Variants in GALNT17 observed in about 807,000 individuals in gnomAD.
GALNT17 encodes polypeptide N-acetylgalactosaminyltransferase 17.
Under a neutral mutation model 63.7 loss-of-function variants are expected in GALNT17, and 29 were observed. That is an observed-to-expected ratio of 0.46 (90% CI 0.34 to 0.62). GALNT17 has a LOEUF of 0.62. GALNT17 is among the 20% of genes least tolerant of loss of function. The probability of loss-of-function intolerance (pLI) is 0.01; values close to 1 mark genes in which losing one functional copy is unlikely to be tolerated. For synonymous variants in GALNT17, 305 were observed against 318.3 expected, an observed-to-expected ratio of 0.96 and a Z score of 0.45; for missense variants, 603 against 799.6, an observed-to-expected ratio of 0.75 and a Z score of 2.97.
At chr7:71,666,649 A>G (rs1182110091) in intron 7 of GALNT17, among the ~76,000 whole-genome samples, 1 of 152,094 alleles carries the variant, frequency 6.6e-6, no homozygotes, top group African/African-American at 2.4e-5. Context: ...ATGAAAACAT[A>G]TGATGTTTGG....
intron 5 of GALNT17, among the ~76,000 whole-genome samples, chr7:71,426,894 T>C (rs1023566942): frequency 2.0e-5 from 3 of 150,780 alleles, no homozygotes; most frequent in Non-Finnish European, 1.5e-5. Flanking sequence ...CACTCCAGCC[T>C]GGCTGACAGA....
At chr7:71,144,945 G>A (rs900107983) in intron 1 of GALNT17, among the ~76,000 whole-genome samples, 5 of 152,142 alleles carry the variant, frequency 3.3e-5, no homozygotes, top group Admixed American at 1.3e-4. Flanking sequence ...AGCCAGGATG[G>A]TCTTGATCTC....
In GALNT17 at chr7:71,573,629, T is replaced by TG. The variant is rs1688328619; in HGVS notation, c.1080+2229dup. Reference sequence around the variant, plus strand: ...GATTACAGGCGTGAGCCACCACACCTGGCCTATTTTATTTTTTATTTTTTT... The same window carrying TG: ...GATTACAGGCGTGAGCCACCACACCTGGGCCTATTTTATTTTTTATTTTTTT... On this transcript the variant is annotated intron_variant, in intron 6 of 10. Coordinates refer to ENST00000333538, the MANE Select transcript of GALNT17 (RefSeq NM_022479.3). Among the ~76,000 whole-genome samples the TG allele has an allele frequency of 2.6e-5, 4 of 152,294 alleles. No homozygotes were observed. The South Asian group carries it at 8.3e-4, about 32-fold the overall frequency.
chr7:71,314,503 A>G (rs912515463), intron 1 of GALNT17, among the ~76,000 whole-genome samples: 1 of 152,214 alleles, frequency 6.6e-6, no homozygotes, highest in African/African-American at 2.4e-5. Flanking sequence ...TCCAAGCGTG[A>G]TGGTCATATA....
At position 71,541,007 on chromosome 7, in the gene GALNT17, G is replaced by A. The variant is rs1446482635; in HGVS notation, c.963-30278G>A. On this transcript the variant is annotated intron_variant, in intron 5 of 10. Transcript: ENST00000333538. ...GAATCCCAGCACTTTGGGAGGTCGA[G>A]GTGGGCAGATCACTTGAGGCCAGGA... 2.0e-5 allele frequency among the ~76,000 whole-genome samples: 3 copies of A among 152,102 alleles called. No individual in the cohort carries two copies. In the East Asian group the frequency reaches 5.8e-4, roughly 29 times the overall value.
At chr7:71,488,326 C>A (rs1787947390) in intron 5 of GALNT17, among the ~76,000 whole-genome samples, 1 of 152,080 alleles carries the variant, frequency 6.6e-6, no homozygotes, top group Non-Finnish European at 1.5e-5. Flanking sequence ...GAGCAAGGCC[C>A]AGCATCCCAT....
At position 71,265,115 on chromosome 7, in the gene GALNT17, TA is replaced by T. The variant is rs1562957664; in HGVS notation, c.239-70434del. ...CATAAATATTATATATATATATATATATATTTTTTTTTTTTTTTTTTTTTTT... is the reference window on the plus strand; with the variant it reads ...CATAAATATTATATATATATATATATTATTTTTTTTTTTTTTTTTTTTTTT... On this transcript the variant is annotated intron_variant, in intron 1 of 10. Transcript: ENST00000333538. Among the ~76,000 whole-genome samples, 28 of 51,672 alleles carry T rather than the reference TA, an allele frequency of 5.4e-4. 1 individual carries two copies. Among genetic ancestry groups the T allele is most frequent in the African/African-American group, 1.5e-3 (26 of 16,780 alleles). 33.9% of individuals were successfully genotyped at this position (51,672 alleles called of 152,430 possible). A position where few individuals can be genotyped will look rare whatever the true frequency, so the allele number is the denominator to read the frequency against.
chr7:71,607,927 G>A (rs1330032992), intron 6 of GALNT17, among the ~76,000 whole-genome samples: 1 of 152,162 alleles, frequency 6.6e-6, no homozygotes, highest in Admixed American at 6.5e-5. Context: ...TAACAACTTA[G>A]TCCTGAACTT....
chr7:71,429,924 C>T (rs1193612361), intron 5 of GALNT17, among the ~76,000 whole-genome samples: 1 of 152,176 alleles, frequency 6.6e-6, no homozygotes, highest in African/African-American at 2.4e-5. Context: ...CAAGACTGGT[C>T]TCAAACTCCT....
chr7:71,311,320 G>A (rs746239431), intron 1 of GALNT17, among the ~76,000 whole-genome samples: 12 of 152,304 alleles, frequency 7.9e-5, no homozygotes, highest in Non-Finnish European at 1.2e-4. Context: ...TTGGCAGGCC[G>A]ACTCATTTGG....
chr7:71,559,738 A>G (rs1218090906), intron 5 of GALNT17, among the ~76,000 whole-genome samples: 2 of 151,594 alleles, frequency 1.3e-5, no homozygotes, highest in East Asian at 2.0e-4. Context: ...GTGTGTGCCT[A>G]TAGTCCCAGC....
intron 9 of GALNT17, among the ~76,000 whole-genome samples, chr7:71,687,372 G>A (rs1791376584): frequency 6.6e-6 from 1 of 152,178 alleles, no homozygotes; most frequent in African/African-American, 2.4e-5. Context: ...GCGTGACGGG[G>A]CTCTGGCGAG....
In GALNT17 at chr7:71,532,661, G is replaced by A. The variant is rs112366540; in HGVS notation, c.963-38624G>A. Reference sequence around the variant, plus strand: ...TCTCTTTCCTCATTTGCTATGAGGCGCTCCCATACAGTTGGCTTGAAGCAT... The same window carrying A: ...TCTCTTTCCTCATTTGCTATGAGGCACTCCCATACAGTTGGCTTGAAGCAT... On this transcript the variant is annotated intron_variant, in intron 5 of 10. Coordinates refer to ENST00000333538, the MANE Select transcript of GALNT17 (RefSeq NM_022479.3). 6.3e-3 allele frequency among the ~76,000 whole-genome samples: 965 copies of A among 152,224 alleles called. 11 individuals are homozygous for A. The highest frequency in any genetic ancestry group is 0.022 in the African/African-American group (895 of 41,538).
chr7:71,586,739 G>C (rs886672556), intron 6 of GALNT17, among the ~76,000 whole-genome samples: 3 of 149,210 alleles, frequency 2.0e-5, no homozygotes, highest in Non-Finnish European at 3.0e-5. Flanking sequence ...TATTTTTATT[G>C]ACACATAATA....
chr7:71,518,711 T>C (rs1289675860), intron 5 of GALNT17, among the ~76,000 whole-genome samples: 1 of 152,192 alleles, frequency 6.6e-6, no homozygotes, highest in African/African-American at 2.4e-5. Context: ...AAAGGATGGA[T>C]GTTCTGAACA....
intron 1 of GALNT17, among the ~76,000 whole-genome samples, chr7:71,170,249 G>A (rs1788522355): frequency 6.6e-6 from 1 of 152,186 alleles, no homozygotes; most frequent in Non-Finnish European, 1.5e-5. Context: ...TATCCAGGAT[G>A]CTGTTTTTTT....
intron 2 of GALNT17, among the ~76,000 whole-genome samples, chr7:71,348,445 T>C (rs1375987799): frequency 6.6e-6 from 1 of 152,196 alleles, no homozygotes; most frequent in East Asian, 1.9e-4. Context: ...AAGATTCCCC[T>C]CTGTTTCTTT....
intron 2 of GALNT17, among the ~76,000 whole-genome samples, chr7:71,342,844 A>G (rs1015580780): frequency 6.6e-5 from 10 of 152,230 alleles, no homozygotes; most frequent in African/African-American, 2.2e-4. Flanking sequence ...GAGACTGTGT[A>G]TGTTTTATTT....
intron 1 of GALNT17, among the ~76,000 whole-genome samples, chr7:71,229,203 G>A (rs1789740062): frequency 6.6e-6 from 1 of 152,234 alleles, no homozygotes; most frequent in African/African-American, 2.4e-5. Flanking sequence ...AGAGAATCGT[G>A]AAGGATGTGG....
Sources: allele counts gnomAD v4.1 joint callset (sites outside exome capture counted in the v4.1 genomes callset), GRCh38; gene constraint gnomAD v4.1.1; transcripts MANE v1.5; gene names NCBI Gene and HGNC (gene_info 2026-07-23, HGNC 2026-07-21).